Variants in KDM4B observed in about 807,000 individuals in gnomAD.
KDM4B encodes lysine-specific demethylase 4B.
In KDM4B, 32 loss-of-function variants were observed where a neutral mutation model predicts 125.2. That is an observed-to-expected ratio of 0.26 (90% CI 0.19 to 0.34). The LOEUF (loss-of-function observed/expected upper bound fraction) is 0.34, where lower values mean the gene tolerates loss of function less well. Ranked by LOEUF, KDM4B falls within the 10% of genes least tolerant of loss-of-function variation. KDM4B has a pLI of 1.00. For missense variants in KDM4B, 1,190 were observed against 1,577.7 expected (o/e 0.75, Z 4.16); for synonymous variants, 721 against 677.9 (o/e 1.06, Z -0.99).
intron 9 of KDM4B, among the ~76,000 whole-genome samples, chr19:5,094,820 C>T (rs1052229568): frequency 1.3e-5 from 2 of 152,194 alleles, no homozygotes; most frequent in Non-Finnish European, 2.9e-5. Context: ...GATGAACCCT[C>T]CACTCCTCAG....
rs1599287086 is a variant in KDM4B, at chr19:5,151,861, TTCTA to T, written c.*352_*355del. The T allele has an allele frequency of 4.0e-6, 1 of 247,432 alleles. No homozygotes were observed. The highest frequency in any genetic ancestry group is 7.7e-6 in the Non-Finnish European group (1 of 129,892). 15.3% of individuals were successfully genotyped at this position (247,432 alleles called of 1,614,324 possible). Reference sequence around the variant, plus strand: ...ACATAAACCACCTTTGTGAGGCTCTTTCTATAAATACATATTGTTTAAAAAAAAG... The same window carrying T: ...ACATAAACCACCTTTGTGAGGCTCTTTAAATACATATTGTTTAAAAAAAAG... On this transcript the variant is annotated 3_prime_UTR_variant, in exon 23 of 23. Coordinates refer to ENST00000159111, the MANE Select transcript of KDM4B (RefSeq NM_015015.3).
chr19:5,048,637 TA>T (rs373355720), intron 6 of KDM4B, among the ~76,000 whole-genome samples: 5 of 151,650 alleles, frequency 3.3e-5, no homozygotes, highest in African/African-American at 9.7e-5. Flanking sequence ...ACCTCTTCGT[TA>T]AAAAAAAGCA....
intron 2 of KDM4B, among the ~76,000 whole-genome samples, chr19:5,031,484 C>G (rs1263211384): frequency 6.6e-6 from 1 of 152,246 alleles, no homozygotes; most frequent in Non-Finnish European, 1.5e-5. Context: ...CTGCACAGAG[C>G]AAGGGTGGCG....
intron 1 of KDM4B, among the ~76,000 whole-genome samples, chr19:4,998,440 A>G (rs1302656760): frequency 2.0e-5 from 3 of 152,132 alleles, no homozygotes; most frequent in East Asian, 3.8e-4. Flanking sequence ...CAGGACCCCC[A>G]TGTGGCGACA....
chr19:5,012,822 A>C (rs564424654), intron 1 of KDM4B, among the ~76,000 whole-genome samples: 1 of 152,216 alleles, frequency 6.6e-6, no homozygotes, highest in African/African-American at 2.4e-5. Context: ...GGGGTTCATC[A>C]TCCTCTCCCC....
chr19:5,096,789 G>C (rs1000299102), intron 9 of KDM4B, among the ~76,000 whole-genome samples: 7 of 149,236 alleles, frequency 4.7e-5, no homozygotes, highest in Non-Finnish European at 1.5e-5. Context: ...CGCCTGCCTG[G>C]TGGAGGAGGT....
Position 5,131,166 on chromosome 19 carries a change from C to G in KDM4B, c.1406C>G (p.Pro469Arg), listed in dbSNP as rs745660913. Reference sequence around the variant, plus strand: ...CTGCTGCCCCCACAGCTGCCGCCCCCGCCTGCTCACTTCCCCTCAGAGGAG... The same window carrying G: ...CTGCTGCCCCCACAGCTGCCGCCCCGGCCTGCTCACTTCCCCTCAGAGGAG... ...FGLLPPQLPP[P>R]PAHFPSEEAL... Residue 469 changes from proline (P) to arginine (R), a missense_variant, in exon 12 of 23, where the codon CCG (proline) becomes CGG (arginine). Coordinates refer to ENST00000159111, the MANE Select transcript of KDM4B (RefSeq NM_015015.3). The G allele has an allele frequency of 1.3e-6, 2 of 1,586,268 alleles. No homozygotes were observed. Among genetic ancestry groups the G allele is most frequent in the Admixed American group, 1.7e-5 (1 of 57,552 alleles).
At position 5,153,244 on chromosome 19, in the gene KDM4B, C is replaced by G. The variant is rs1034172371; in HGVS notation, c.*1733C>G. On this transcript the variant is annotated 3_prime_UTR_variant, in exon 23 of 23. Transcript: ENST00000159111. ...TGTCAGCCAAAACGTGGAGGTGTCC[C>G]TCTGCACGCAGCCCTCGCCCGGCGT... is the stretch of plus-strand genomic sequence containing the variant. 1 of 152,218 alleles carries G rather than the reference C, an allele frequency of 6.6e-6. No individual in the cohort carries two copies. Among genetic ancestry groups the G allele is most frequent in the African/African-American group, 2.4e-5 (1 of 41,446 alleles). 9.4% of individuals were successfully genotyped at this position (152,218 alleles called of 1,614,324 possible). A position where few individuals can be genotyped will look rare whatever the true frequency, so the allele number is the denominator to read the frequency against.
At chr19:5,148,156 G>A (rs1483137285) in intron 21 of KDM4B, among the ~76,000 whole-genome samples, 3 of 152,258 alleles carry the variant, frequency 2.0e-5, no homozygotes, top group Non-Finnish European at 4.4e-5. Flanking sequence ...AGCCCGGGCC[G>A]AGGCGCACGC....
intron 1 of KDM4B, among the ~76,000 whole-genome samples, chr19:5,010,188 C>T (rs1013379533): frequency 2.6e-5 from 4 of 152,236 alleles, no homozygotes; most frequent in Non-Finnish European, 5.9e-5. Flanking sequence ...GACCTTGGCA[C>T]TTCCAAAGAG....
intron 6 of KDM4B, 81 bp from the exon 7 acceptor site, chr19:5,070,929 C>G: frequency 1.3e-6 from 2 of 1,484,970 alleles, no homozygotes; most frequent in Non-Finnish European, 1.9e-6. Context: ...TCTGCGTCTC[C>G]CCAAGGCTGG....
At chr19:5,138,183 A>G (rs1041356208) in intron 18 of KDM4B, 113 bp downstream of exon 18, 18 of 755,394 alleles carry the variant, frequency 2.4e-5, no homozygotes, top group Non-Finnish European at 3.9e-5. Context: ...CTGCGTCTCC[A>G]TGGGGGTGGT....
chr19:5,043,169 G>T lies in KDM4B; in HGVS notation c.432+1918G>T, dbSNP rs182364929. ...CCGAGTGGTGTTTATCGGAGTGGGG[G>T]TGTCCACCTTATCCCGCGTGGTGTT... On this transcript the variant is annotated intron_variant, in intron 5 of 22. Coordinates refer to ENST00000159111, the MANE Select transcript of KDM4B (RefSeq NM_015015.3). 5.3e-3 allele frequency among the ~76,000 whole-genome samples: 798 copies of T among 150,908 alleles called. 9 individuals are homozygous for T. The highest frequency in any genetic ancestry group is 0.018 in the African/African-American group (750 of 41,012).
chr19:5,112,460 T>C (rs891479853), intron 10 of KDM4B: 8 of 152,428 alleles, frequency 5.2e-5, no homozygotes, highest in African/African-American at 1.9e-4. Flanking sequence ...CAGCTGGCGA[T>C]GGATGGTGCC....
intron 13 of KDM4B, among the ~76,000 whole-genome samples, chr19:5,132,846 T>C (rs2039583059): frequency 6.6e-6 from 1 of 152,196 alleles, no homozygotes; most frequent in East Asian, 1.9e-4. Flanking sequence ...GGCTCTGTTC[T>C]CATCCCCAGG....
rs1192273774 is a variant in KDM4B, at chr19:5,135,441, G to C, written c.2188G>C (p.Glu730Gln). The C allele has an allele frequency of 6.2e-7, 1 of 1,613,596 alleles. No individual in the cohort carries two copies. The highest frequency in any genetic ancestry group is 8.5e-7 in the Non-Finnish European group (1 of 1,180,000). Residue 730 changes from glutamate to glutamine, a missense_variant, in exon 15 of 23, where the codon GAG becomes CAG. By Grantham distance (29) the Glu-to-Gln change is conservative. Coordinates refer to ENST00000159111, the MANE Select transcript of KDM4B (RefSeq NM_015015.3). ...TCAGAAGACCCGACCGCTCATCCCT[G>C]AGATGTGCTTCACCTCTGGCGGTGA... ...SRQKTRPLIP[E>Q]MCFTSGGENT... is the part of the protein sequence containing the mutation.
At position 5,153,539 on chromosome 19, in the gene KDM4B, T is replaced by A. The variant is rs1264453354; in HGVS notation, c.*2028T>A. The stretch of plus-strand genomic sequence containing the variant: ...CGAGATGAAGGATACGCTGTATTTT[T>A]TGCCTAATGTCCCTGCCTCTAGGTT... On this transcript the variant is annotated 3_prime_UTR_variant, in exon 23 of 23. Transcript: ENST00000159111. 6.6e-6 allele frequency: 1 copy of A among 152,282 alleles called. No individual in the cohort carries two copies. The highest frequency in any genetic ancestry group is 1.5e-5 in the Non-Finnish European group (1 of 68,060). The allele number at this position is 152,282 out of a possible 1,614,324, so 9.4% of individuals were successfully genotyped here.
In KDM4B at chr19:5,035,353, G is replaced by C. The variant is rs2036584235; in HGVS notation, c.141+2322G>C. On this transcript the variant is annotated intron_variant, in intron 3 of 22. Transcript: ENST00000159111. The surrounding 1 kb of genome is among the most constrained non-coding windows in gnomAD (Gnocchi z 5.3). ...AGGCGTCCTGATGTCAGGACGTTGA[G>C]GGGAATCAGCATCTCAGACCGCCCT... 6.6e-6 allele frequency among the ~76,000 whole-genome samples: 1 copy of C among 151,962 alleles called. No homozygotes were observed. The highest frequency in any genetic ancestry group is 2.4e-5 in the African/African-American group (1 of 41,368).
intron 11 of KDM4B, among the ~76,000 whole-genome samples, chr19:5,129,359 C>T (rs928394779): frequency 5.9e-5 from 9 of 152,058 alleles, no homozygotes; most frequent in South Asian, 2.1e-4. Flanking sequence ...GTGTCACCCT[C>T]GGCCCTTGGG....
Sources: allele counts gnomAD v4.1 joint callset (sites outside exome capture counted in the v4.1 genomes callset), GRCh38; gene constraint gnomAD v4.1.1; non-coding constraint Gnocchi (gnomAD v3.1); transcripts MANE v1.5; gene names NCBI Gene and HGNC (gene_info 2026-07-23, HGNC 2026-07-21).